Variants in CCDC12 observed in about 807,000 individuals in gnomAD.
CCDC12 encodes coiled-coil domain containing 12.
A neutral mutation model predicts 25.7 loss-of-function variants in CCDC12; 28 were observed. The observed-to-expected ratio is 1.09, with a 90% CI of 0.81 to 1.50. CCDC12 has a LOEUF of 1.50. CCDC12 is among the 40% of genes most tolerant of loss of function. The pLI is 0.00. For synonymous variants in CCDC12, 75 were observed against 87.7 expected (o/e 0.86, Z 0.81); for missense variants, 198 against 210.0 (o/e 0.94, Z 0.35).
chr3:46,941,382 G>A (rs1197951666), intron 1 of CCDC12, among the ~76,000 whole-genome samples: 3 of 152,222 alleles, frequency 2.0e-5, no homozygotes, highest in African/African-American at 2.4e-5. Context: ...CTAACACGGC[G>A]AAACCCCATC....
intron 3 of CCDC12, among the ~76,000 whole-genome samples, chr3:46,924,469 G>A (rs998827025): frequency 2.0e-5 from 3 of 152,242 alleles, no homozygotes; most frequent in African/African-American, 7.2e-5. Context: ...GAAGCAGACC[G>A]GGATGTGGCC....
intron 1 of CCDC12, among the ~76,000 whole-genome samples, chr3:46,963,402 TCTC>T (rs2034521286): frequency 4.3e-4 from 1 of 2,332 alleles, no homozygotes; most frequent in African/African-American, 5.5e-4. Context: ...TCCCTCTCCC[TCTC>T]CCTCTCCTCA....
chr3:46,976,706 G>T lies in CCDC12; in HGVS notation c.27C>A (p.Gly9=). 6.2e-7 allele frequency: 1 copy of T among 1,600,452 alleles called. No homozygotes were observed. The change falls in exon 1 of 7, where the codon GGC becomes GGA. Residue 9 remains glycine, a synonymous_variant. Coordinates refer to ENST00000683445, the MANE Select transcript of CCDC12 (RefSeq NM_001277074.2). ...GCCGCAACGCCTCTTCCTCTAGCCG[G>T]CCCACACCAGCCGTAGTTGCCTCCA... MEATTAGV[G]RLEEEALRRK... is the part of the protein sequence containing the mutation.
At chr3:46,927,204 A>ACCC (rs1271527731) in intron 2 of CCDC12, among the ~76,000 whole-genome samples, 3 of 152,016 alleles carry the variant, frequency 2.0e-5, no homozygotes, top group Non-Finnish European at 4.4e-5. Flanking sequence ...GCCCAGAGAT[A>ACCC]CCCCACCCCG....
At chr3:46,963,796 C>T (rs1397104695) in intron 1 of CCDC12, among the ~76,000 whole-genome samples, 2 of 152,224 alleles carry the variant, frequency 1.3e-5, no homozygotes, top group Non-Finnish European at 2.9e-5. Context: ...GGCGTGATCT[C>T]GGCTCGCTAC....
At chr3:46,966,579 A>G (rs997862431) in intron 1 of CCDC12, among the ~76,000 whole-genome samples, 1 of 152,138 alleles carries the variant, frequency 6.6e-6, no homozygotes, top group Non-Finnish European at 1.5e-5. Context: ...TAGAGTGGCA[A>G]TATGAAGACC....
At chr3:46,922,629 T>G (rs1456861913) in intron 5 of CCDC12, 1 of 429,968 alleles carries the variant, frequency 2.3e-6, no homozygotes, top group Non-Finnish European at 4.3e-6. Flanking sequence ...AGGGAGTGAC[T>G]TGCTCCTGCC....
chr3:46,961,003 G>A (rs2034446076), intron 1 of CCDC12, among the ~76,000 whole-genome samples: 2 of 151,906 alleles, frequency 1.3e-5, no homozygotes, highest in Non-Finnish European at 2.9e-5. Flanking sequence ...TGCAGGGAAT[G>A]GGAGGGTGTG....
Position 46,925,479 on chromosome 3 carries a change from A to G in CCDC12, c.221T>C (p.Val74Ala), listed in dbSNP as rs1575535267. Residue 74 changes from valine (V) to alanine (A), a missense_variant, in exon 3 of 7, where the codon GTG (valine) becomes GCG (alanine). Coordinates refer to ENST00000683445, the MANE Select transcript of CCDC12 (RefSeq NM_001277074.2). ...PEDEDLKKRR[V>A]PQAKPVAVEE... ...ACCTGCAACCGGTTTGGCCTGGGGC[A>G]CCCTCCTCTTCTTCAGGTCCTCATC... 4 of 1,610,842 alleles carry G rather than the reference A, an allele frequency of 2.5e-6. No homozygotes were observed. The Middle Eastern group carries it at 5.0e-4, about 200-fold the overall frequency.
At chr3:46,934,882 G>C (rs777811144) in intron 2 of CCDC12, among the ~76,000 whole-genome samples, 7 of 152,234 alleles carry the variant, frequency 4.6e-5, no homozygotes, top group Non-Finnish European at 8.8e-5. Flanking sequence ...AGCCGCCCTG[G>C]TCGGTACCAC....
chr3:46,923,514 C>T, intron 4 of CCDC12, 93 bp downstream of exon 4: 1 of 1,468,044 alleles, frequency 6.8e-7, no homozygotes, highest in South Asian at 1.2e-5. Flanking sequence ...AAAGAAGTGA[C>T]GAGAAGGAAT....
At chr3:46,931,431 T>A (rs2033207750) in intron 2 of CCDC12, among the ~76,000 whole-genome samples, 1 of 152,164 alleles carries the variant, frequency 6.6e-6, no homozygotes, top group African/African-American at 2.4e-5. Flanking sequence ...AGATTATGAA[T>A]CTGATCCAAC....
intron 2 of CCDC12, among the ~76,000 whole-genome samples, chr3:46,927,745 C>T (rs2033026610): frequency 1.3e-5 from 2 of 152,310 alleles, no homozygotes; most frequent in Admixed American, 1.3e-4. Context: ...GCTGGGTCCA[C>T]GCCCTCCCCA....
At chr3:46,979,747 C>T (rs573793944), upstream of CCDC12, 71 of 326,032 alleles carry the variant, frequency 2.2e-4, no homozygotes, top group South Asian at 1.8e-3. Flanking sequence ...AGTACCGCGC[C>T]GCTCCGCCCC....
At chr3:46,973,369 A>G (rs1280958901) in intron 1 of CCDC12, among the ~76,000 whole-genome samples, 1 of 149,466 alleles carries the variant, frequency 6.7e-6, no homozygotes, top group African/African-American at 2.5e-5. Flanking sequence ...AAAAAAAAAA[A>G]AATTAATCCC....
chr3:46,949,114 G>A (rs1322885336), intron 1 of CCDC12, among the ~76,000 whole-genome samples: 1 of 152,222 alleles, frequency 6.6e-6, no homozygotes, highest in Admixed American at 6.5e-5. Context: ...TGAGAAATCT[G>A]GAGCTCTTCA....
chr3:46,956,416 T>G (rs1441567931), intron 1 of CCDC12, among the ~76,000 whole-genome samples: 1 of 152,172 alleles, frequency 6.6e-6, no homozygotes, highest in East Asian at 1.9e-4. Context: ...GAGGCTGACC[T>G]AGAAGAGAAA....
At chr3:46,923,545 G>C (rs1390176776) in intron 4 of CCDC12, 62 bp downstream of exon 4, 2 of 1,542,766 alleles carry the variant, frequency 1.3e-6, no homozygotes, top group South Asian at 1.2e-5. Flanking sequence ...GGGAGAGCAA[G>C]TGGCGAAGAG....
upstream of CCDC12, chr3:46,976,878 A>C (rs898961500): frequency 7.3e-7 from 1 of 1,362,222 alleles, no homozygotes; most frequent in Admixed American, 2.5e-5. Context: ...ATTATGGGCG[A>C]GCCCTCCCCG....
Sources: gnomAD v4.1 joint callset for allele counts (sites outside exome capture counted in the v4.1 genomes callset) on GRCh38, gnomAD v4.1.1 for gene constraint, MANE v1.5 for transcripts, NCBI Gene and HGNC (gene_info 2026-07-23, HGNC 2026-07-21) for gene names.